The following VAV2 variants were observed in gnomAD, a reference collection of about 807,000 sequenced individuals.
The protein encoded by VAV2 is vav guanine nucleotide exchange factor 2.
In VAV2, 67 loss-of-function variants were observed where a neutral mutation model predicts 132.5. The observed-to-expected ratio is 0.51, with a 90% CI of 0.42 to 0.62. The LOEUF is 0.62. Ranked by LOEUF, VAV2 falls within the 20% of genes least tolerant of loss-of-function variation. VAV2 has a pLI of 0.00. For missense variants in VAV2, 938 were observed against 1,153.6 expected, an observed-to-expected ratio of 0.81 and a Z score of 2.71; for synonymous variants, 492 against 443.5, an observed-to-expected ratio of 1.11 and a Z score of -1.37.
chr9:133,835,867 CCT>C (rs1367186776), intron 3 of VAV2, among the ~76,000 whole-genome samples: 1 of 152,182 alleles, frequency 6.6e-6, no homozygotes, highest in Non-Finnish European at 1.5e-5. Flanking sequence ...TCAGCGTGCC[CCT>C]GTGGCTTCCT....
chr9:133,908,501 C>T (rs188491327), intron 2 of VAV2, among the ~76,000 whole-genome samples: 259 of 151,930 alleles, frequency 1.7e-3, no homozygotes, highest in African/African-American at 5.9e-3. Flanking sequence ...GACAAGGACC[C>T]GCCCCCCAAC....
At chr9:133,779,895 G>A in intron 21 of VAV2, 23 bp downstream of exon 21, 1 of 1,609,878 alleles carries the variant, frequency 6.2e-7, no homozygotes, top group Non-Finnish European at 8.5e-7. Context: ...TGATAGCAGA[G>A]GGCCCAGGTC....
chr9:133,951,456 C>T (rs1293811178), intron 1 of VAV2, among the ~76,000 whole-genome samples: 1 of 152,206 alleles, frequency 6.6e-6, no homozygotes, highest in East Asian at 1.9e-4. Flanking sequence ...CAAAGCCCCA[C>T]CCACTGGTGA....
intron 26 of VAV2, 96 bp from the exon 27 acceptor site, chr9:133,770,597 G>A: frequency 1.9e-6 from 3 of 1,545,178 alleles, no homozygotes; most frequent in Non-Finnish European, 2.6e-6. Flanking sequence ...GGTTCATGTG[G>A]GGGAGACTAG....
intron 1 of VAV2, among the ~76,000 whole-genome samples, chr9:133,988,178 G>A (rs939783386): frequency 1.2e-4 from 19 of 152,234 alleles, no homozygotes; most frequent in African/African-American, 3.6e-4. Context: ...ACTCCCCGCC[G>A]TGTGCGCTCG....
chr9:133,844,459 G>A (rs1236063270), intron 3 of VAV2, among the ~76,000 whole-genome samples: 6 of 152,236 alleles, frequency 3.9e-5, no homozygotes, highest in African/African-American at 1.4e-4. Context: ...GGGGCTGAGG[G>A]AGGAGGCTCT....
At chr9:133,806,350 G>A (rs550407449) in intron 8 of VAV2, among the ~76,000 whole-genome samples, 169 bp from the exon 9 acceptor site, 121 of 152,348 alleles carry the variant, frequency 7.9e-4, no homozygotes, top group Admixed American at 1.8e-3. Flanking sequence ...GATTCAGGTA[G>A]AAGGTTCTAT....
At chr9:133,989,615 G>A (rs1842955790) in intron 1 of VAV2, among the ~76,000 whole-genome samples, 1 of 152,004 alleles carries the variant, frequency 6.6e-6, no homozygotes, top group South Asian at 2.1e-4. Context: ...AACCCAGGAG[G>A]TGGAGGTTGC....
intron 1 of VAV2, among the ~76,000 whole-genome samples, chr9:133,973,263 A>C (rs114590025): frequency 0.013 from 1,931 of 152,048 alleles, 34 homozygotes; most frequent in African/African-American, 0.044. Flanking sequence ...CAGAGCGTCA[A>C]CCCCCTGCAT....
intron 3 of VAV2, among the ~76,000 whole-genome samples, chr9:133,858,274 G>A (rs150320131): frequency 6.6e-5 from 10 of 152,306 alleles, no homozygotes; most frequent in Admixed American, 1.3e-4. Context: ...CGCTGGGGAT[G>A]GAGTAACTAA....
chr9:133,841,304 G>A (rs1836713403), intron 3 of VAV2, among the ~76,000 whole-genome samples: 1 of 151,906 alleles, frequency 6.6e-6, no homozygotes, highest in South Asian at 2.1e-4. Context: ...CCAGGATCTG[G>A]CCAAGTGCTT....
chr9:133,858,179 T>C (rs1302183649), intron 3 of VAV2, among the ~76,000 whole-genome samples: 1 of 152,204 alleles, frequency 6.6e-6, no homozygotes, highest in Non-Finnish European at 1.5e-5. Flanking sequence ...TTTGTATACC[T>C]GAGGCGTTGG....
At chr9:133,972,770 GC>G (rs987989201) in intron 1 of VAV2, among the ~76,000 whole-genome samples, 2 of 152,142 alleles carry the variant, frequency 1.3e-5, no homozygotes, top group Non-Finnish European at 2.9e-5. Flanking sequence ...ACTCCTGGAG[GC>G]GTCAGGCAGA....
At chr9:133,947,950 C>T (rs887997465) in intron 1 of VAV2, among the ~76,000 whole-genome samples, 10 of 152,010 alleles carry the variant, frequency 6.6e-5, no homozygotes, top group African/African-American at 2.2e-4. Flanking sequence ...CCACCAATGA[C>T]GAGCTAATTT....
Position 133,785,896 on chromosome 9 carries a change from G to C in VAV2, c.1423-11C>G, listed in dbSNP as rs747773506. On this transcript the variant is annotated splice_polypyrimidine_tract_variant and intron_variant, in intron 16 of 29. Coordinates refer to ENST00000371850, the MANE Select transcript of VAV2 (RefSeq NM_001134398.2). Reference sequence around the variant, plus strand: ...GAAGCCGTAGGACCACTGCAGGGGGGAGAGGGGCCATGCTTGCAATAGACA... The same window carrying C: ...GAAGCCGTAGGACCACTGCAGGGGGCAGAGGGGCCATGCTTGCAATAGACA... The C allele has an allele frequency of 2.5e-6, 4 of 1,610,762 alleles. No individual in the cohort carries two copies. In the East Asian group the frequency reaches 8.9e-5, roughly 36 times the overall value.
In VAV2 at chr9:133,763,943, G is replaced by C; in HGVS notation, c.*119C>G. On this transcript the variant is annotated 3_prime_UTR_variant, in exon 30 of 30. Coordinates refer to ENST00000371850, the MANE Select transcript of VAV2 (RefSeq NM_001134398.2). This position sits in a 1 kb window ranked among gnomAD's most constrained non-coding sequence, Gnocchi z 6.8. ...CTCAACACCCTCCCTATCCCTGTGG[G>C]CAGTGGAAGACTGGGAGGTTGGTAT... 1 of 1,217,506 alleles carries C rather than the reference G, an allele frequency of 8.2e-7. No individual in the cohort carries two copies. Among genetic ancestry groups the C allele is most frequent in the East Asian group, 2.3e-5 (1 of 42,644 alleles). 75.4% of individuals were successfully genotyped at this position (1,217,506 alleles called of 1,614,324 possible). A position where few individuals can be genotyped will look rare whatever the true frequency, so the allele number is the denominator to read the frequency against.
rs375010179 is a variant in VAV2, at chr9:133,807,320, T to C, written c.673A>G (p.Met225Val). 7 of 1,610,012 alleles carry C rather than the reference T, an allele frequency of 4.3e-6. No homozygotes were observed. Among genetic ancestry groups the C allele is most frequent in the African/African-American group, 1.3e-5 (1 of 74,846 alleles). Reference sequence around the variant, plus strand: ...CTCAGCACCAGCCGCAGGGGGCTCATGTAGTTCTGGAAGAGAGAAGTCCAC... The same window carrying C: ...CTCAGCACCAGCCGCAGGGGGCTCACGTAGTTCTGGAAGAGAGAAGTCCAC... Reference protein sequence around the residue: ...RTLEDIEKNYMSPLRLVLSPA... With the variant: ...RTLEDIEKNYVSPLRLVLSPA... Residue 225 changes from methionine to valine, a missense_variant, in exon 8 of 30, where the codon ATG (methionine) becomes GTG (valine). Coordinates refer to ENST00000371850, the MANE Select transcript of VAV2 (RefSeq NM_001134398.2).
intron 2 of VAV2, among the ~76,000 whole-genome samples, chr9:133,887,814 G>A (rs12344815): frequency 0.034 from 5,161 of 151,152 alleles, 284 homozygotes; most frequent in African/African-American, 0.12. Context: ...CCCACCCAGG[G>A]GCTGCTTTTG....
chr9:133,799,540 T>G (rs58131561), intron 9 of VAV2, among the ~76,000 whole-genome samples: 8,153 of 152,152 alleles, frequency 0.054, 768 homozygotes, highest in African/African-American at 0.19. Flanking sequence ...TGTGTCCCCA[T>G]GGGGGGATCC....
Sources: allele counts gnomAD v4.1 joint callset (sites outside exome capture counted in the v4.1 genomes callset), GRCh38; gene constraint gnomAD v4.1.1; non-coding constraint Gnocchi (gnomAD v3.1); transcripts MANE v1.5; gene names NCBI Gene and HGNC (gene_info 2026-07-23, HGNC 2026-07-21).